PTPN4: variants seen among roughly 807,000 people sequenced by gnomAD.
PTPN4 encodes the protein tyrosine-protein phosphatase non-receptor type 4.
Under a neutral mutation model 135.5 loss-of-function variants are expected in PTPN4, and 49 were observed. The observed-to-expected ratio is 0.36, with a 90% CI of 0.29 to 0.46. The LOEUF is 0.46. PTPN4 is among the 20% of genes least tolerant of loss of function. The pLI, the probability that PTPN4 is intolerant of heterozygous loss-of-function variation, is 1.00. For missense variants in PTPN4, 860 were observed against 1,101.0 expected (o/e 0.78, Z 3.10); for synonymous variants, 333 against 369.9 (o/e 0.90, Z 1.14).
At chr2:119,774,553 T>C (rs1355757698) in intron 1 of PTPN4, among the ~76,000 whole-genome samples, 3 of 152,070 alleles carry the variant, frequency 2.0e-5, no homozygotes, top group African/African-American at 7.3e-5. Context: ...ATGATTTGAG[T>C]AAAAGCAAAG....
At chr2:119,899,016 C>A (rs1289670573) in intron 9 of PTPN4, among the ~76,000 whole-genome samples, 1 of 152,064 alleles carries the variant, frequency 6.6e-6, no homozygotes, top group African/African-American at 2.4e-5. Flanking sequence ...ATTTCTGGTT[C>A]ACTTGGTTGC....
Position 119,969,748 on chromosome 2 carries a change from C to T in PTPN4, c.2694+1776C>T, listed in dbSNP as rs563356773. 1.1e-3 allele frequency among the ~76,000 whole-genome samples: 163 copies of T among 151,712 alleles called. 1 individual carries two copies. Among genetic ancestry groups the T allele is most frequent in the Admixed American group, 3.7e-3 (56 of 15,246 alleles). ...TAATTTTTTGTATTTTTAGTAGAGA[C>T]GGGGTTTCACCATGTTAGCCAGGAT... On this transcript the variant is annotated intron_variant, in intron 26 of 26. Coordinates refer to ENST00000263708, the MANE Select transcript of PTPN4 (RefSeq NM_002830.4).
At chr2:119,819,603 A>T (rs1019815737) in intron 2 of PTPN4, among the ~76,000 whole-genome samples, 6 of 152,288 alleles carry the variant, frequency 3.9e-5, no homozygotes, top group African/African-American at 1.4e-4. Flanking sequence ...ATGGAACCCT[A>T]AACAGCTGGG....
chr2:119,844,372 C>A (rs1260426059), intron 2 of PTPN4, among the ~76,000 whole-genome samples: 3 of 138,466 alleles, frequency 2.2e-5, no homozygotes, highest in East Asian at 2.2e-4. Context: ...ACCTCCCTCC[C>A]GGACGGGGTG....
intron 2 of PTPN4, among the ~76,000 whole-genome samples, chr2:119,816,017 T>C (rs1676980408): frequency 6.6e-6 from 1 of 152,192 alleles, no homozygotes; most frequent in South Asian, 2.1e-4. Flanking sequence ...CACGCATCAC[T>C]TAACAACAGG....
At chr2:119,876,938 T>TGCGC (rs1238439217) in intron 3 of PTPN4, among the ~76,000 whole-genome samples, 9 of 136,218 alleles carry the variant, frequency 6.6e-5, no homozygotes, top group African/African-American at 2.4e-4. Flanking sequence ...TGTGTGTGTG[T>TGCGC]GTGCGTGAAG....
At chr2:119,962,818 G>T in intron 24 of PTPN4, 74 bp downstream of exon 24, 1 of 1,233,636 alleles carries the variant, frequency 8.1e-7, no homozygotes, top group Non-Finnish European at 1.1e-6. Context: ...AATGTTTTTA[G>T]TTTGAGTATT....
At chr2:119,853,741 C>T (rs556221644) in intron 2 of PTPN4, among the ~76,000 whole-genome samples, 3 of 152,194 alleles carry the variant, frequency 2.0e-5, no homozygotes, top group South Asian at 4.1e-4. Flanking sequence ...TTTTTATTTA[C>T]TTCCATTTCT....
At chr2:119,952,383 CTTA>C (rs1679223325) in intron 19 of PTPN4, among the ~76,000 whole-genome samples, 1 of 152,108 alleles carries the variant, frequency 6.6e-6, no homozygotes, top group Non-Finnish European at 1.5e-5. Context: ...ATCTAATCGA[CTTA>C]TTAGGGTTTT....
intron 2 of PTPN4, among the ~76,000 whole-genome samples, chr2:119,851,446 T>C (rs1015683320): frequency 3.3e-5 from 5 of 152,202 alleles, no homozygotes; most frequent in Non-Finnish European, 5.9e-5. Flanking sequence ...CACGTTTAAC[T>C]GTGATCCTAG....
At chr2:119,952,508 T>C (rs941130137) in intron 19 of PTPN4, among the ~76,000 whole-genome samples, 2 of 152,234 alleles carry the variant, frequency 1.3e-5, no homozygotes, top group Non-Finnish European at 2.9e-5. Flanking sequence ...CTTTCTCTCC[T>C]GACTACCATA....
intron 1 of PTPN4, among the ~76,000 whole-genome samples, chr2:119,809,283 C>T (rs1691535921): frequency 6.6e-6 from 1 of 151,412 alleles, no homozygotes; most frequent in South Asian, 2.1e-4. Flanking sequence ...AAAGATTGGT[C>T]ACCATTTCTA....
At chr2:119,896,377 G>A (rs1003518538) in intron 9 of PTPN4, among the ~76,000 whole-genome samples, 6 of 152,134 alleles carry the variant, frequency 3.9e-5, no homozygotes, top group African/African-American at 1.4e-4. Context: ...TAAAGCACTG[G>A]ATTATTTTAC....
intron 26 of PTPN4, among the ~76,000 whole-genome samples, chr2:119,970,788 G>A (rs1377958702): frequency 1.3e-5 from 2 of 152,090 alleles, no homozygotes; most frequent in East Asian, 1.9e-4. Flanking sequence ...GTGAACATAC[G>A]TTTTCATTTA....
At chr2:119,950,098 T>C (rs1008174559) in intron 18 of PTPN4, among the ~76,000 whole-genome samples, 4 of 152,188 alleles carry the variant, frequency 2.6e-5, no homozygotes, top group African/African-American at 9.7e-5. Flanking sequence ...CTATCCTCTT[T>C]AACACATAGA....
rs1474887195 is a variant in PTPN4 at position 119,967,944 on chromosome 2, A to G, written c.2666A>G (p.Asp889Gly). The part of the protein sequence containing the change: ...YPLDIVRTMR[D>G]QRAMMIQTPS... ...CTAGATATTGTAAGAACAATGAGAG[A>G]TCAGCGAGCCATGATGATCCAAACA... Residue 889 changes from aspartate to glycine, a missense_variant, in exon 26 of 27, where the codon GAT becomes GGT. Asp to Gly is a moderately conservative substitution (Grantham distance 94). This residue lies in a region of PTPN4 where 176 missense variants were observed against 294.1 expected (regional missense o/e 0.60). Coordinates refer to ENST00000263708, the MANE Select transcript of PTPN4 (RefSeq NM_002830.4). 1.2e-6 allele frequency: 2 copies of G among 1,606,274 alleles called. No individual in the cohort carries two copies. Among genetic ancestry groups the G allele is most frequent in the African/African-American group, 2.7e-5 (2 of 74,806 alleles).
intron 10 of PTPN4, among the ~76,000 whole-genome samples, chr2:119,907,179 T>C (rs976236805): frequency 1.5e-4 from 23 of 152,170 alleles, no homozygotes; most frequent in Admixed American, 3.3e-4. Context: ...AAACATCTCA[T>C]ACTCATGAAT....
chr2:119,923,556 A>C (rs1678768010), intron 12 of PTPN4, among the ~76,000 whole-genome samples: 1 of 152,190 alleles, frequency 6.6e-6, no homozygotes, highest in Non-Finnish European at 1.5e-5. Flanking sequence ...GCAAAAACTC[A>C]GAGAATATAA....
At chr2:119,818,275 T>C (rs2104953921) in intron 2 of PTPN4, among the ~76,000 whole-genome samples, 1 of 152,346 alleles carries the variant, frequency 6.6e-6, no homozygotes, top group East Asian at 1.9e-4. Flanking sequence ...TTTTATTGAC[T>C]GTCTTGTCTC....
Sources: allele counts gnomAD v4.1 joint callset (sites outside exome capture counted in the v4.1 genomes callset), GRCh38; gene constraint gnomAD v4.1.1; regional missense constraint gnomAD v4.1.1; transcripts MANE v1.5; gene names NCBI Gene and HGNC (gene_info 2026-07-23, HGNC 2026-07-21).